Variants in MTCL1 observed in about 807,000 individuals in gnomAD.
MTCL1 encodes microtubule crosslinking factor 1.
In MTCL1, 79 loss-of-function variants were observed where a neutral mutation model predicts 141.4. The observed-to-expected ratio is 0.56, with a 90% confidence interval of 0.47 to 0.67. MTCL1 has a LOEUF of 0.67. Ranked by LOEUF, MTCL1 falls within the 30% of genes least tolerant of loss-of-function variation. MTCL1 has a pLI of 0.00. For missense variants in MTCL1, 2,177 were observed against 2,113.9 expected (o/e 1.03, Z -0.59); for synonymous variants, 914 against 875.8 (o/e 1.04, Z -0.77).
At chr18:8,794,306 G>A (rs1438143968) in intron 8 of MTCL1, among the ~76,000 whole-genome samples, 1 of 152,152 alleles carries the variant, frequency 6.6e-6, no homozygotes, top group East Asian at 1.9e-4. Context: ...AAGAGGCTTC[G>A]GATGGTAGGA....
At chr18:8,766,680 G>A (rs1428785283) in intron 4 of MTCL1, among the ~76,000 whole-genome samples, 1 of 152,158 alleles carries the variant, frequency 6.6e-6, no homozygotes, top group African/African-American at 2.4e-5. Context: ...ATGAAACCAT[G>A]GCTGTTTTGT....
chr18:8,786,491 C>T, intron 7 of MTCL1: 1 of 389,100 alleles, frequency 2.6e-6, no homozygotes, highest in Non-Finnish European at 5.1e-6. Context: ...CTTTTCAGCT[C>T]TTTGTTGCCT....
intron 16 of MTCL1, chr18:8,829,005 T>C: frequency 2.5e-6 from 4 of 1,613,832 alleles, no homozygotes; most frequent in Non-Finnish European, 3.4e-6. Context: ...TCTGGAGAGG[T>C]CGTGTTGTGT....
intron 4 of MTCL1, among the ~76,000 whole-genome samples, chr18:8,774,994 T>C (rs1050657734): frequency 1.3e-5 from 2 of 152,092 alleles, no homozygotes; most frequent in African/African-American, 4.8e-5. Flanking sequence ...GAAGAGTCCA[T>C]CCAAGGGCTC....
chr18:8,741,581 G>A (rs2096303512), intron 4 of MTCL1, among the ~76,000 whole-genome samples: 1 of 152,144 alleles, frequency 6.6e-6, no homozygotes, highest in Non-Finnish European at 1.5e-5. Flanking sequence ...ACAGCTAAAT[G>A]GAAAACTGTG....
At chr18:8,831,883 C>T in exon 17 of MTCL1, 1 of 1,463,646 alleles carries the variant, frequency 6.8e-7, no homozygotes, top group South Asian at 1.2e-5. Flanking sequence ...CTCTGCCCAA[C>T]AGGAGAGATC....
intron 14 of MTCL1, among the ~76,000 whole-genome samples, chr18:8,823,196 G>A (rs147356250): frequency 5.9e-4 from 89 of 152,046 alleles, no homozygotes; most frequent in African/African-American, 2.1e-3. Context: ...GATGTATCCC[G>A]GGTTTTCTCA....
intron 11 of MTCL1, among the ~76,000 whole-genome samples, chr18:8,809,126 T>A (rs2076396513): frequency 2.6e-5 from 4 of 152,230 alleles, no homozygotes; most frequent in South Asian, 2.1e-4. Context: ...AATTGATACT[T>A]TAATCCTGAT....
intron 12 of MTCL1, among the ~76,000 whole-genome samples, 189 bp from the exon 12 acceptor site, chr18:8,818,774 G>A (rs957270896): frequency 1.3e-5 from 2 of 152,092 alleles, no homozygotes; most frequent in African/African-American, 2.4e-5. Context: ...AAAATTGTGG[G>A]TTTTGTAAAG....
At chr18:8,789,169 C>T (rs898199683) in intron 7 of MTCL1, among the ~76,000 whole-genome samples, 3 of 152,322 alleles carry the variant, frequency 2.0e-5, no homozygotes, top group Admixed American at 6.5e-5. Flanking sequence ...TTTTATCCTT[C>T]AATCAAGGAA....
At chr18:8,820,148 G>A (rs1034641600) in intron 13 of MTCL1, among the ~76,000 whole-genome samples, 73 of 152,136 alleles carry the variant, frequency 4.8e-4, no homozygotes, top group Non-Finnish European at 4.4e-5. Flanking sequence ...GGTGGCTCAT[G>A]CCTGTAATCC....
chr18:8,821,201 C>CA (rs2076834819), intron 13 of MTCL1, among the ~76,000 whole-genome samples: 1 of 152,200 alleles, frequency 6.6e-6, no homozygotes, highest in African/African-American at 2.4e-5. Context: ...TCCTCCATGA[C>CA]AAAGTTTATA....
exon 11 of MTCL1, chr18:8,806,930 C>T: frequency 6.2e-7 from 1 of 1,613,750 alleles, no homozygotes. Flanking sequence ...GCCTTCAAGG[C>T]CTTGCTGGAG....
intron 3 of MTCL1, 47 bp from the exon 3 acceptor site, chr18:8,720,291 C>T (rs750588785): frequency 1.2e-6 from 2 of 1,600,680 alleles, no homozygotes. Context: ...ACCCTTAGCA[C>T]ACAAAAAGCC....
intron 4 of MTCL1, among the ~76,000 whole-genome samples, chr18:8,728,316 G>C (rs777719036): frequency 2.6e-5 from 4 of 151,848 alleles, no homozygotes; most frequent in Non-Finnish European, 5.9e-5. Context: ...TTTTCAGTTA[G>C]CAGTATTGCT....
exon 15 of MTCL1, chr18:8,825,567 G>A (rs757976763): frequency 1.2e-5 from 20 of 1,613,316 alleles, no homozygotes; most frequent in Non-Finnish European, 1.6e-5. Context: ...AAAGGCTGGG[G>A]GCGGTGCTAC....
chr18:8,706,968 G>A, intron 1 of MTCL1: 1 of 539,642 alleles, frequency 1.9e-6, no homozygotes, highest in East Asian at 3.6e-5. Context: ...TCTCTTCGCT[G>A]ATACTTTTAC....
At chr18:8,825,707 C>T in exon 15 of MTCL1, 2 of 1,614,084 alleles carry the variant, frequency 1.2e-6, no homozygotes, top group Non-Finnish European at 1.7e-6. Flanking sequence ...AGAGGAAGCC[C>T]CTCCCCAAAG....
At chr18:8,789,137 A>G (rs993226809) in intron 7 of MTCL1, among the ~76,000 whole-genome samples, 3 of 152,226 alleles carry the variant, frequency 2.0e-5, no homozygotes, top group Non-Finnish European at 4.4e-5. Flanking sequence ...AATCTCAAAG[A>G]GCTCTTCTCC....
Sources: allele counts gnomAD v4.1 joint callset (sites outside exome capture counted in the v4.1 genomes callset), GRCh38; gene constraint gnomAD v4.1.1; transcripts MANE v1.5; gene names NCBI Gene and HGNC (gene_info 2026-07-23, HGNC 2026-07-21).